Variants in IL1RAP observed in about 807,000 individuals in gnomAD.
IL1RAP encodes the protein interleukin 1 receptor accessory protein.
IL1RAP carries 35 observed loss-of-function variants against 60.7 expected under a neutral mutation model. The observed-to-expected ratio is 0.58, with a 90% CI of 0.44 to 0.76. IL1RAP has a LOEUF of 0.76. IL1RAP is among the 30% of genes least tolerant of loss of function. The probability of loss-of-function intolerance (pLI) is 0.00; values close to 1 mark genes in which losing one functional copy is unlikely to be tolerated. For missense variants in IL1RAP, 572 were observed against 693.9 expected (o/e 0.82, Z 1.97); for synonymous variants, 268 against 250.9 (o/e 1.07, Z -0.64).
intron 1 of IL1RAP, among the ~76,000 whole-genome samples, chr3:190,546,945 C>A (rs1487828285): frequency 2.0e-5 from 3 of 152,280 alleles, no homozygotes; most frequent in Middle Eastern, 3.4e-3. Flanking sequence ...CACAAAATGC[C>A]CCCCTTGTCC....
intron 1 of IL1RAP, among the ~76,000 whole-genome samples, chr3:190,550,926 C>T (rs1449855740): frequency 6.6e-6 from 1 of 152,076 alleles, no homozygotes; most frequent in African/African-American, 2.4e-5. Context: ...TTATATTTGG[C>T]CTGATTATTT....
chr3:190,640,259 T>G (rs2108845948), intron 9 of IL1RAP, among the ~76,000 whole-genome samples: 1 of 152,336 alleles, frequency 6.6e-6, no homozygotes, highest in South Asian at 2.1e-4. Context: ...ACCTCTTTTT[T>G]GTCTTTTCTC....
At chr3:190,582,031 G>A (rs186671955) in intron 3 of IL1RAP, among the ~76,000 whole-genome samples, 1 of 152,314 alleles carries the variant, frequency 6.6e-6, no homozygotes, top group East Asian at 1.9e-4. Flanking sequence ...AAGATGTTGA[G>A]GCTGCAGTTC....
chr3:190,610,768 T>C (rs1353965829), intron 5 of IL1RAP, among the ~76,000 whole-genome samples: 1 of 152,328 alleles, frequency 6.6e-6, no homozygotes, highest in African/African-American at 2.4e-5. Context: ...TTTCAAAAGC[T>C]GAACATTTTA....
Position 190,650,708 on chromosome 3 carries a change from T to C in IL1RAP, c.*2003T>C, listed in dbSNP as rs1365878410. On this transcript the variant is annotated 3_prime_UTR_variant, in exon 12 of 12. Transcript: ENST00000447382. ...AAAAGTAGGTCATTCTTGGATCTAC[T>C]TTTTTTTAGCCTTATTAATATTTTT... is the stretch of plus-strand genomic sequence containing the variant. 1.0e-6 allele frequency: 1 copy of C among 958,308 alleles called. No individual in the cohort carries two copies. The allele number at this position is 958,308 out of a possible 1,614,324, so 59.4% of individuals were successfully genotyped here.
chr3:190,640,591 A>G (rs764576181), intron 9 of IL1RAP, among the ~76,000 whole-genome samples: 4 of 152,058 alleles, frequency 2.6e-5, no homozygotes, highest in South Asian at 4.1e-4. Flanking sequence ...GTGGCAGGGA[A>G]CACTTGGAGG....
intron 5 of IL1RAP, among the ~76,000 whole-genome samples, chr3:190,610,666 G>A (rs1294571491): frequency 6.6e-6 from 1 of 152,154 alleles, no homozygotes; most frequent in African/African-American, 2.4e-5. Context: ...AAAAGCTTGT[G>A]TGCTTAATAA....
downstream of IL1RAP, among the ~76,000 whole-genome samples, chr3:190,655,558 C>CGTGTGTGTGTGTGTGTGTGT (rs34341875): frequency 2.3e-5 from 3 of 131,080 alleles, no homozygotes; most frequent in African/African-American, 8.4e-5. Flanking sequence ...AATTGCCCAC[C>CGTGTGTGTGTGTGTGTGTGT]GTGTGTGTGT....
intron 1 of IL1RAP, among the ~76,000 whole-genome samples, chr3:190,544,084 T>A (rs1486178010): frequency 6.6e-6 from 1 of 152,228 alleles, no homozygotes; most frequent in Non-Finnish European, 1.5e-5. Flanking sequence ...AATACATACA[T>A]GCATTTTCTT....
At chr3:190,566,322 A>G (rs1726394985) in intron 3 of IL1RAP, among the ~76,000 whole-genome samples, 1 of 152,034 alleles carries the variant, frequency 6.6e-6, no homozygotes, top group Admixed American at 6.5e-5. Context: ...GTAATTCATC[A>G]TGTGGTTTTA....
Position 190,623,204 on chromosome 3 carries a change from G to T in IL1RAP, c.704-140G>T, listed in dbSNP as rs151006772. On this transcript the variant is annotated intron_variant, in intron 6 of 11. Coordinates refer to ENST00000447382, the MANE Select transcript of IL1RAP (RefSeq NM_002182.4). Reference sequence around the variant, plus strand: ...TAAATGACTGAAGTGCAGTAATTGAGTATATCTTGGACTATAGGCCTTCTC... The same window carrying T: ...TAAATGACTGAAGTGCAGTAATTGATTATATCTTGGACTATAGGCCTTCTC... The T allele has an allele frequency of 3.5e-4, 222 of 636,866 alleles. 1 individual carries two copies. In the African/African-American group the frequency reaches 3.8e-3, roughly 11 times the overall value. 39.5% of individuals were successfully genotyped at this position (636,866 alleles called of 1,614,324 possible).
chr3:190,515,217 TTTTC>T (rs1229024755), intron 1 of IL1RAP, among the ~76,000 whole-genome samples: 5 of 144,694 alleles, frequency 3.5e-5, no homozygotes, highest in Non-Finnish European at 6.0e-5. Flanking sequence ...TGGGTTTTTC[TTTTC>T]TTTCTTTCTT....
At chr3:190,558,841 T>C (rs1365271000) in intron 2 of IL1RAP, among the ~76,000 whole-genome samples, 3 of 152,186 alleles carry the variant, frequency 2.0e-5, no homozygotes, top group African/African-American at 4.8e-5. Context: ...ATGAATATGG[T>C]ATGTCTCTTC....
chr3:190,656,704 A>G (rs776704993), exon 12 of IL1RAP: 16 of 691,920 alleles, frequency 2.3e-5, no homozygotes, highest in Admixed American at 6.4e-5. Context: ...CTAATGGACT[A>G]TCAGATTTCT....
At chr3:190,656,656 T>A (rs200776285) in exon 12 of IL1RAP, 134 of 1,087,704 alleles carry the variant, frequency 1.2e-4, no homozygotes, top group Admixed American at 8.4e-5. Context: ...ACCCTCTGTA[T>A]GTCATGAACC....
chr3:190,635,251 C>G (rs577071399), intron 9 of IL1RAP, among the ~76,000 whole-genome samples: 1 of 152,006 alleles, frequency 6.6e-6, no homozygotes, highest in African/African-American at 2.4e-5. Flanking sequence ...TGGTGTTTTG[C>G]CTTTTTTTGT....
chr3:190,629,116 TA>T (rs1732557633), intron 8 of IL1RAP, among the ~76,000 whole-genome samples: 1 of 152,180 alleles, frequency 6.6e-6, no homozygotes, highest in African/African-American at 2.4e-5. Context: ...AAGAAGCCAG[TA>T]TTGGGATTTG....
chr3:190,626,393 A>G (rs1732265211), intron 7 of IL1RAP, among the ~76,000 whole-genome samples: 1 of 152,124 alleles, frequency 6.6e-6, no homozygotes, highest in Admixed American at 6.5e-5. Flanking sequence ...CTGCCTAGGG[A>G]TCTCCCTAAC....
intron 9 of IL1RAP, among the ~76,000 whole-genome samples, chr3:190,631,127 G>A (rs939773675): frequency 2.6e-5 from 4 of 152,162 alleles, no homozygotes; most frequent in South Asian, 4.1e-4. Flanking sequence ...GAATATCTGC[G>A]GGAAGTTGGA....
Sources: allele counts gnomAD v4.1 joint callset (sites outside exome capture counted in the v4.1 genomes callset), GRCh38; gene constraint gnomAD v4.1.1; transcripts MANE v1.5; gene names NCBI Gene and HGNC (gene_info 2026-07-23, HGNC 2026-07-21).